Variants in JMJD1C observed in about 807,000 individuals in gnomAD.
The protein encoded by JMJD1C is jumonji domain containing 1C.
A neutral mutation model predicts 245.3 loss-of-function variants in JMJD1C; 31 were observed. The observed-to-expected ratio is 0.13, with a 90% CI of 0.09 to 0.17. The LOEUF is 0.17. Among genes scored for constraint, JMJD1C ranks in the 10% least tolerant of loss-of-function variants. The pLI, the probability that JMJD1C is intolerant of heterozygous loss-of-function variation, is 1.00. For synonymous variants in JMJD1C, 1,057 were observed against 1,017.4 expected, an observed-to-expected ratio of 1.04 and a Z score of -0.74; for missense variants, 2,691 against 3,000.2, an observed-to-expected ratio of 0.90 and a Z score of 2.41.
chr10:63,210,925 T>C (rs1394618614), intron 8 of JMJD1C, among the ~76,000 whole-genome samples: 1 of 152,210 alleles, frequency 6.6e-6, no homozygotes, highest in Non-Finnish European at 1.5e-5. Context: ...AATGGAAAGC[T>C]TGTGATCAAT....
At chr10:63,257,742 T>C in intron 3 of JMJD1C, among the ~76,000 whole-genome samples, 1 of 152,210 alleles carries the variant, frequency 6.6e-6, no homozygotes, top group Admixed American at 6.5e-5. Flanking sequence ...CACAGTACAG[T>C]TTTGTTGTCA....
At chr10:63,504,730 G>A (rs116075865) in intron 1 of JMJD1C, among the ~76,000 whole-genome samples, 140 of 152,276 alleles carry the variant, frequency 9.2e-4, no homozygotes, top group African/African-American at 3.2e-3. Context: ...TATGCAGATT[G>A]AAACAGGTCA....
At chr10:63,328,041 A>C (rs1470222907) in intron 2 of JMJD1C, among the ~76,000 whole-genome samples, 2 of 152,064 alleles carry the variant, frequency 1.3e-5, no homozygotes, top group Non-Finnish European at 1.5e-5. Flanking sequence ...TTGGGAGGCC[A>C]AGCCAGGCGG....
chr10:63,384,488 A>T (rs192663546), intron 1 of JMJD1C, among the ~76,000 whole-genome samples: 4 of 152,306 alleles, frequency 2.6e-5, no homozygotes, highest in Admixed American at 2.0e-4. Flanking sequence ...TGAAAATATT[A>T]ATCTCCTTGA....
intron 1 of JMJD1C, among the ~76,000 whole-genome samples, chr10:63,472,487 A>C (rs563397280): frequency 6.6e-6 from 1 of 152,190 alleles, no homozygotes; most frequent in Non-Finnish European, 1.5e-5. Context: ...ATGTGCCACC[A>C]CGCCTGGCTA....
At chr10:63,189,958 T>C (rs957405551) in intron 17 of JMJD1C, among the ~76,000 whole-genome samples, 4 of 151,394 alleles carry the variant, frequency 2.6e-5, no homozygotes, top group Non-Finnish European at 5.9e-5. Flanking sequence ...TGGTGTGATC[T>C]CAGCTCACTA....
intron 24 of JMJD1C, among the ~76,000 whole-genome samples, chr10:63,171,336 G>A (rs115859763): frequency 1.3e-5 from 2 of 152,256 alleles, no homozygotes; most frequent in Admixed American, 6.5e-5. Flanking sequence ...GGTAAGATTT[G>A]TAAGTCTCCA....
intron 1 of JMJD1C, among the ~76,000 whole-genome samples, chr10:63,476,695 C>A (rs779288885): frequency 6.6e-6 from 1 of 152,158 alleles, no homozygotes; most frequent in African/African-American, 2.4e-5. Context: ...CACCACTGCA[C>A]TCCAGCCTGG....
At chr10:63,298,646 A>G (rs1428738043) in intron 2 of JMJD1C, among the ~76,000 whole-genome samples, 1 of 152,192 alleles carries the variant, frequency 6.6e-6, no homozygotes, top group African/African-American at 2.4e-5. Context: ...GGTTTTCAAT[A>G]TATCTTTTTG....
At chr10:63,443,995 A>G (rs1291107851) in intron 1 of JMJD1C, among the ~76,000 whole-genome samples, 3 of 152,218 alleles carry the variant, frequency 2.0e-5, no homozygotes, top group African/African-American at 7.2e-5. Flanking sequence ...TCTCTCCACT[A>G]GAAGTAGAAA....
intron 1 of JMJD1C, among the ~76,000 whole-genome samples, chr10:63,382,582 A>C: frequency 6.6e-6 from 1 of 152,232 alleles, no homozygotes; most frequent in African/African-American, 2.4e-5. Context: ...ACCCACTGCT[A>C]ACATCATACA....
chr10:63,483,011 T>C (rs1350923242), intron 1 of JMJD1C, among the ~76,000 whole-genome samples: 1 of 152,094 alleles, frequency 6.6e-6, no homozygotes, highest in Non-Finnish European at 1.5e-5. Context: ...TTTTGAAAAA[T>C]CTCCAAATAA....
intron 2 of JMJD1C, among the ~76,000 whole-genome samples, chr10:63,333,118 C>T (rs1389399601): frequency 1.3e-5 from 2 of 151,952 alleles, no homozygotes; most frequent in Non-Finnish European, 2.9e-5. Flanking sequence ...GTAAAATATA[C>T]AAAATTAATA....
At chr10:63,515,981 G>C (rs1224350445) in intron 1 of JMJD1C, among the ~76,000 whole-genome samples, 2 of 152,088 alleles carry the variant, frequency 1.3e-5, no homozygotes, top group Non-Finnish European at 2.9e-5. Flanking sequence ...TATGGTTTCT[G>C]ATTTTACGAC....
intron 2 of JMJD1C, among the ~76,000 whole-genome samples, chr10:63,309,912 G>A (rs573730520): frequency 9.9e-5 from 15 of 151,268 alleles, no homozygotes; most frequent in South Asian, 6.2e-4. Context: ...ACAAGATTTC[G>A]TCTCAAAAAA....
At chr10:63,436,952 C>T (rs1218484134) in intron 1 of JMJD1C, among the ~76,000 whole-genome samples, 1 of 152,172 alleles carries the variant, frequency 6.6e-6, no homozygotes, top group East Asian at 1.9e-4. Flanking sequence ...CTAAGATTCA[C>T]TGATCTCAAC....
At chr10:63,435,240 T>G (rs976653388) in intron 1 of JMJD1C, among the ~76,000 whole-genome samples, 6 of 152,212 alleles carry the variant, frequency 3.9e-5, no homozygotes, top group African/African-American at 1.4e-4. Context: ...TGTAACACAC[T>G]GCTATTTTAG....
intron 1 of JMJD1C, among the ~76,000 whole-genome samples, chr10:63,476,540 C>T (rs536737057): frequency 2.6e-5 from 4 of 152,108 alleles, no homozygotes; most frequent in Admixed American, 1.3e-4. Context: ...CTGGGCAACA[C>T]AGTGAGACCC....
upstream of JMJD1C, chr10:63,466,590 G>C (rs1953298111): frequency 6.6e-6 from 1 of 152,186 alleles, no homozygotes; most frequent in Non-Finnish European, 1.5e-5. Context: ...TATAAGAACA[G>C]CAAATGCTCC....
Sources: allele counts gnomAD v4.1 joint callset (sites outside exome capture counted in the v4.1 genomes callset), GRCh38; gene constraint gnomAD v4.1.1; transcripts MANE v1.5; gene names NCBI Gene and HGNC (gene_info 2026-07-23, HGNC 2026-07-21).